The following SPAM1 variants were observed in gnomAD, a reference collection of about 807,000 sequenced individuals.
The protein encoded by SPAM1 is sperm adhesion molecule 1.
In SPAM1, 22 loss-of-function variants were observed where a neutral mutation model predicts 29.6. That is an observed-to-expected ratio of 0.74 (90% confidence interval 0.53 to 1.06). The LOEUF is 1.06. Ranked by LOEUF, SPAM1 falls within the 50% of genes least tolerant of loss-of-function variation. The pLI, the probability that SPAM1 is intolerant of heterozygous loss-of-function variation, is 0.00. For synonymous variants in SPAM1, 194 were observed against 204.6 expected (o/e 0.95, Z 0.44); for missense variants, 534 against 604.0 (o/e 0.88, Z 1.21).
intron 4 of SPAM1, among the ~76,000 whole-genome samples, chr7:123,955,772 C>T (rs1257207282): frequency 5.3e-5 from 8 of 151,794 alleles, no homozygotes; most frequent in Admixed American, 6.6e-5. Flanking sequence ...GCCCATCTGC[C>T]TATTTTGCAT....
chr7:123,944,160 A>G (rs1325701874), intron 1 of SPAM1, among the ~76,000 whole-genome samples: 1 of 152,090 alleles, frequency 6.6e-6, no homozygotes, highest in Non-Finnish European at 1.5e-5. Context: ...CTCTTCTGCT[A>G]TAGTCCCTGG....
chr7:123,960,118 T>C (rs1792339766), downstream of SPAM1: 2 of 1,154,178 alleles, frequency 1.7e-6, no homozygotes, highest in South Asian at 1.7e-5. Flanking sequence ...ACGATTTTCT[T>C]TGAACTTGAC....
chr7:123,952,815 G>C (rs975013079), intron 2 of SPAM1, among the ~76,000 whole-genome samples: 2 of 149,950 alleles, frequency 1.3e-5, no homozygotes, highest in East Asian at 4.0e-4. Context: ...TTGTTTGGTA[G>C]AAGTTTTTGG....
downstream of SPAM1, among the ~76,000 whole-genome samples, chr7:123,961,003 A>G (rs1430634015): frequency 1.3e-5 from 2 of 151,848 alleles, no homozygotes; most frequent in Non-Finnish European, 2.9e-5. Flanking sequence ...AGTCTTTTAC[A>G]TTATGTTATC....
intron 1 of SPAM1, among the ~76,000 whole-genome samples, chr7:123,931,868 T>C (rs1439517078): frequency 6.6e-6 from 1 of 152,068 alleles, no homozygotes; most frequent in Non-Finnish European, 1.5e-5. Flanking sequence ...AAGGAGAATC[T>C]CATCTTTTTT....
At chr7:123,945,858 C>G (rs1351530385) in intron 1 of SPAM1, among the ~76,000 whole-genome samples, 3 of 151,908 alleles carry the variant, frequency 2.0e-5, no homozygotes, top group African/African-American at 2.4e-5. Flanking sequence ...TCAGACAGAC[C>G]TTGTTCCCCA....
At chr7:123,939,929 GTAATTTTCTA>G (rs1485209704) in intron 1 of SPAM1, among the ~76,000 whole-genome samples, 2 of 152,098 alleles carry the variant, frequency 1.3e-5, no homozygotes, top group Admixed American at 1.3e-4. Context: ...TTTCCTCTTA[GTAATTTTCTA>G]TCCTGCTGAT....
chr7:123,951,107 T>C (rs1653383206), intron 2 of SPAM1, among the ~76,000 whole-genome samples: 1 of 152,144 alleles, frequency 6.6e-6, no homozygotes, highest in African/African-American at 2.4e-5. Context: ...AATTGGGTTG[T>C]TTGTTTTCTT....
Position 123,953,440 on chromosome 7 carries a change from T to G in SPAM1, c.-131T>G, listed in dbSNP as rs1016340841. On this transcript the variant is annotated 5_prime_UTR_variant, in exon 3 of 5. Transcript: ENST00000682466. ...ATAATATTTAAATGTAACTTAATCATTATACCTCTTTATCCATCAAAGTGA... is the reference window on the plus strand; with the variant it reads ...ATAATATTTAAATGTAACTTAATCAGTATACCTCTTTATCCATCAAAGTGA... 3.6e-6 allele frequency: 2 copies of G among 553,288 alleles called. No homozygotes were observed. The highest frequency in any genetic ancestry group is 6.3e-6 in the Non-Finnish European group (2 of 317,028). 34.3% of individuals were successfully genotyped at this position (553,288 alleles called of 1,614,324 possible).
At chr7:123,931,189 G>C (rs1182112898) in intron 1 of SPAM1, among the ~76,000 whole-genome samples, 1 of 152,040 alleles carries the variant, frequency 6.6e-6, no homozygotes, top group African/African-American at 2.4e-5. Flanking sequence ...ACCTTCTTCT[G>C]CCCTCCTGCC....
intron 2 of SPAM1, among the ~76,000 whole-genome samples, chr7:123,951,312 T>G (rs977972487): frequency 6.6e-6 from 1 of 152,088 alleles, no homozygotes; most frequent in African/African-American, 2.4e-5. Context: ...GCTTTTGGGG[T>G]CTTAGTCATA....
At chr7:123,954,854 A>G (rs1056329319) in intron 3 of SPAM1, 143 bp from the exon 4 acceptor site, 3 of 625,094 alleles carry the variant, frequency 4.8e-6, no homozygotes, top group Non-Finnish European at 8.6e-6. Context: ...TAGTAAGGCA[A>G]TGGCTGTGTA....
In SPAM1 at chr7:123,954,066, A is replaced by G; in HGVS notation, c.496A>G (p.Asn166Asp). 6.2e-7 allele frequency: 1 copy of G among 1,613,546 alleles called. No homozygotes were observed. Among genetic ancestry groups the G allele is most frequent in the South Asian group, 1.1e-5 (1 of 91,066 alleles). Reference sequence around the variant, plus strand: ...CTGGAAACCTAAAGATGTTTACAAGAATAGGTCTATTGAATTGGTTCAGCA... The same window carrying G: ...CTGGAAACCTAAAGATGTTTACAAGGATAGGTCTATTGAATTGGTTCAGCA... ...RNWKPKDVYK[N>D]RSIELVQQQN... The change falls in exon 3 of 5, where the codon AAT becomes GAT. Residue 166 changes from asparagine to aspartate, a missense_variant. Physicochemically the swap from Asn to Asp is conservative, Grantham distance 23. Transcript: ENST00000682466.
intron 1 of SPAM1, among the ~76,000 whole-genome samples, chr7:123,928,251 A>G (rs921385512): frequency 2.6e-5 from 4 of 152,172 alleles, no homozygotes; most frequent in Non-Finnish European, 5.9e-5. Flanking sequence ...TGCACTCAGT[A>G]GCTATCCAAT....
intron 1 of SPAM1, among the ~76,000 whole-genome samples, chr7:123,934,268 G>C (rs980765060): frequency 2.0e-5 from 3 of 152,058 alleles, no homozygotes; most frequent in Admixed American, 1.3e-4. Flanking sequence ...CATCAGGAAA[G>C]TGCAAATCAA....
intron 1 of SPAM1, among the ~76,000 whole-genome samples, chr7:123,941,765 C>A (rs1391699934): frequency 6.6e-6 from 1 of 152,128 alleles, no homozygotes; most frequent in Non-Finnish European, 1.5e-5. Flanking sequence ...GTTTATTTTT[C>A]TTTCACATTC....
At chr7:123,957,479 G>C (rs1185680794) in intron 4 of SPAM1, among the ~76,000 whole-genome samples, 1 of 152,018 alleles carries the variant, frequency 6.6e-6, no homozygotes, top group African/African-American at 2.4e-5. Flanking sequence ...CTGTGCACAA[G>C]TCAAGAGAAG....
At chr7:123,943,859 A>C (rs1808497884) in intron 1 of SPAM1, among the ~76,000 whole-genome samples, 1 of 152,300 alleles carries the variant, frequency 6.6e-6, no homozygotes, top group Middle Eastern at 3.4e-3. Context: ...CCAAACAATA[A>C]GCCTTAATAA....
exon 7 of SPAM1, chr7:123,971,051 T>A (rs1041927917): frequency 1.3e-5 from 2 of 152,104 alleles, no homozygotes; most frequent in African/African-American, 4.8e-5. Context: ...CCTTGGGTAT[T>A]AAGTGCAGTC....
Sources: allele counts gnomAD v4.1 joint callset (sites outside exome capture counted in the v4.1 genomes callset), GRCh38; gene constraint gnomAD v4.1.1; transcripts MANE v1.5; gene names NCBI Gene and HGNC (gene_info 2026-07-23, HGNC 2026-07-21).